The following CCDC141 variants were observed in gnomAD, a reference collection of about 807,000 sequenced individuals.
CCDC141 encodes coiled-coil domain containing 141.
CCDC141 carries 168 observed loss-of-function variants against 181.0 expected under a neutral mutation model. The ratio of observed to expected loss-of-function variants is 0.93; its 90% CI spans 0.82 to 1.05. The LOEUF is 1.05. Among genes scored for constraint, CCDC141 ranks in the 50% least tolerant of loss-of-function variants. CCDC141 has a pLI of 0.00. For synonymous variants in CCDC141, 666 were observed against 642.3 expected (o/e 1.04, Z -0.56); for missense variants, 1,902 against 1,788.5 (o/e 1.06, Z -1.14).
intron 10 of CCDC141, among the ~76,000 whole-genome samples, chr2:178,885,313 T>C (rs966766783): frequency 1.1e-4 from 16 of 151,976 alleles, no homozygotes; most frequent in African/African-American, 3.9e-4. Flanking sequence ...TCAGCTATAC[T>C]TATTTTGAGC....
chr2:178,984,118 C>T (rs866235714), intron 2 of CCDC141, among the ~76,000 whole-genome samples: 105 of 152,172 alleles, frequency 6.9e-4, no homozygotes, highest in Non-Finnish European at 1.2e-3. Context: ...GTGGATCTCT[C>T]GGCAGAAACC....
intron 2 of CCDC141, among the ~76,000 whole-genome samples, chr2:178,982,096 A>C (rs1257516604): frequency 1.3e-5 from 2 of 152,158 alleles, no homozygotes; most frequent in Non-Finnish European, 2.9e-5. Context: ...TCACACAAGA[A>C]AAAATAGGTA....
At chr2:178,886,064 A>G (rs1219798558) in intron 10 of CCDC141, among the ~76,000 whole-genome samples, 1 of 152,196 alleles carries the variant, frequency 6.6e-6, no homozygotes, top group East Asian at 1.9e-4. Flanking sequence ...TAACAAAAAA[A>G]TGGGTGTGTT....
intron 8 of CCDC141, among the ~76,000 whole-genome samples, chr2:178,904,048 C>G (rs1174972146): frequency 6.6e-6 from 1 of 152,090 alleles, no homozygotes; most frequent in Non-Finnish European, 1.5e-5. Flanking sequence ...TTTATACATT[C>G]TGGAAAAGCT....
intron 6 of CCDC141, among the ~76,000 whole-genome samples, chr2:178,943,847 C>T (rs1177277935): frequency 6.6e-6 from 1 of 152,174 alleles, no homozygotes; most frequent in Non-Finnish European, 1.5e-5. Context: ...ACTCATCTTG[C>T]TTTCAGCACT....
intron 20 of CCDC141, among the ~76,000 whole-genome samples, chr2:178,850,550 T>C (rs773791566): frequency 3.9e-5 from 6 of 152,152 alleles, no homozygotes; most frequent in Non-Finnish European, 4.4e-5. Flanking sequence ...CAAATGTATG[T>C]CACTCTAGTT....
intron 6 of CCDC141, among the ~76,000 whole-genome samples, chr2:178,938,963 T>A (rs1689400110): frequency 6.6e-6 from 1 of 152,172 alleles, no homozygotes; most frequent in African/African-American, 2.4e-5. Context: ...TATAGAACTA[T>A]AAACATTTGG....
the CCDC141 span, among the ~76,000 whole-genome samples, chr2:178,818,431 C>G: frequency 6.6e-6 from 1 of 152,152 alleles, no homozygotes; most frequent in South Asian, 2.1e-4. Flanking sequence ...TGCTCTCCCT[C>G]CCCCAACCCT....
At chr2:178,847,741 A>G (rs1219805476) in intron 21 of CCDC141, among the ~76,000 whole-genome samples, 1 of 152,150 alleles carries the variant, frequency 6.6e-6, no homozygotes, top group Non-Finnish European at 1.5e-5. Context: ...ATGCTCCCCC[A>G]AAGTTTATAT....
At chr2:178,922,537 G>A (rs1688737910) in intron 6 of CCDC141, among the ~76,000 whole-genome samples, 1 of 152,136 alleles carries the variant, frequency 6.6e-6, no homozygotes, top group African/African-American at 2.4e-5. Flanking sequence ...AATCTTGTAT[G>A]ACCCTGGGAT....
chr2:179,037,875 C>T (rs927719294), intron 2 of CCDC141, among the ~76,000 whole-genome samples: 1 of 152,162 alleles, frequency 6.6e-6, no homozygotes, highest in African/African-American at 2.4e-5. Context: ...ATGGACAAGA[C>T]GTGGACCAAT....
intron 2 of CCDC141, among the ~76,000 whole-genome samples, chr2:179,034,733 A>G (rs1278012250): frequency 6.6e-6 from 1 of 152,132 alleles, no homozygotes; most frequent in African/African-American, 2.4e-5. Flanking sequence ...GATATTTTGA[A>G]TTCATAATGG....
At chr2:178,874,990 C>G (rs192081266) in intron 12 of CCDC141, 1 of 152,194 alleles carries the variant, frequency 6.6e-6, no homozygotes, top group Non-Finnish European at 1.5e-5. Context: ...GGGGCAGAGA[C>G]GTCAGAGAAA....
At chr2:178,872,493 G>A (rs560977791) in intron 12 of CCDC141, among the ~76,000 whole-genome samples, 181 bp from the exon 13 acceptor site, 1 of 152,228 alleles carries the variant, frequency 6.6e-6, no homozygotes, top group Admixed American at 6.5e-5. Context: ...ACCACATGCT[G>A]TGCTTAGACA....
intron 2 of CCDC141, among the ~76,000 whole-genome samples, chr2:178,979,438 G>A (rs1691268844): frequency 6.6e-6 from 1 of 151,942 alleles, no homozygotes; most frequent in African/African-American, 2.4e-5. Flanking sequence ...ATAAGAGCAG[G>A]TTCATAAGGA....
intron 17 of CCDC141, among the ~76,000 whole-genome samples, chr2:178,864,456 C>A (rs79724489): frequency 3.3e-5 from 5 of 152,146 alleles, no homozygotes; most frequent in African/African-American, 9.7e-5. Flanking sequence ...ATTACACTAC[C>A]GGTTCAACCC....
chr2:178,950,341 T>C (rs926782316), intron 5 of CCDC141, among the ~76,000 whole-genome samples: 3 of 152,220 alleles, frequency 2.0e-5, no homozygotes, highest in Non-Finnish European at 4.4e-5. Flanking sequence ...GGGTTTTTTT[T>C]TCTTTTTTTA....
At chr2:178,899,525 CTG>C (rs1687582407) in intron 8 of CCDC141, among the ~76,000 whole-genome samples, 1 of 152,122 alleles carries the variant, frequency 6.6e-6, no homozygotes, top group South Asian at 2.1e-4. Flanking sequence ...AAAGAGAAAA[CTG>C]AGATTCAGAG....
chr2:178,853,460 G>A lies in CCDC141; in HGVS notation c.3225C>T (p.Asp1075=). The change falls in exon 20 of 24, where the codon GAC becomes GAT. Residue 1075 remains aspartate, a synonymous_variant. Transcript: ENST00000443758. ...QQEERIQEAT[D]LAQHLYGLEE... is the part of the protein sequence containing the mutation. ...TCTCACCATATAAGTGCTGAGCAAG[G>A]TCAGTGGCCTCCTGAATCCTTTCTT... The A allele has an allele frequency of 6.2e-7, 1 of 1,614,044 alleles. No homozygotes were observed. The highest frequency in any genetic ancestry group is 8.5e-7 in the Non-Finnish European group (1 of 1,179,936).
Sources: allele counts gnomAD v4.1 joint callset (sites outside exome capture counted in the v4.1 genomes callset), GRCh38; gene constraint gnomAD v4.1.1; transcripts MANE v1.5; gene names NCBI Gene and HGNC (gene_info 2026-07-23, HGNC 2026-07-21).